SLC19A1: variants seen among roughly 807,000 people sequenced by gnomAD.
SLC19A1 encodes the protein solute carrier family 19 member 1, also known as reduced folate transporter.
Under a neutral mutation model 35.3 loss-of-function variants are expected in SLC19A1, and 37 were observed. The observed-to-expected ratio is 1.05, with a 90% CI of 0.81 to 1.38. The LOEUF (loss-of-function observed/expected upper bound fraction) is 1.38, where lower values mean the gene tolerates loss of function less well. SLC19A1 is among the 40% of genes most tolerant of loss of function. The pLI is 0.00. For missense variants in SLC19A1, 831 were observed against 826.9 expected, an observed-to-expected ratio of 1.00 and a Z score of -0.06; for synonymous variants, 460 against 398.5, an observed-to-expected ratio of 1.15 and a Z score of -1.84.
intron 3 of SLC19A1, chr21:45,503,828 G>T: frequency 7.1e-6 from 3 of 425,240 alleles, no homozygotes; most frequent in Non-Finnish European, 1.3e-5. Context: ...AAATAAAAAG[G>T]CACCATTAAC....
chr21:45,511,812 C>T (rs769482058), downstream of SLC19A1, among the ~76,000 whole-genome samples: 4 of 152,162 alleles, frequency 2.6e-5, no homozygotes, highest in Non-Finnish European at 4.4e-5. Flanking sequence ...GTGCTGTGGG[C>T]AGGGCTGGGC....
upstream of SLC19A1, among the ~76,000 whole-genome samples, chr21:45,545,480 G>A (rs760742961): frequency 6.6e-6 from 1 of 151,762 alleles, no homozygotes; most frequent in Non-Finnish European, 1.5e-5. Context: ...AGCAGATGCT[G>A]GCACCATGCT....
At chr21:45,511,274 A>G (rs2037592977), downstream of SLC19A1, 2 of 1,081,632 alleles carry the variant, frequency 1.8e-6, no homozygotes, top group Non-Finnish European at 2.8e-6. Flanking sequence ...CCAGCCAGGG[A>G]AGGCGGGCGG....
chr21:45,508,180 T>G (rs1030566373), downstream of SLC19A1, among the ~76,000 whole-genome samples: 5 of 135,428 alleles, frequency 3.7e-5, no homozygotes, highest in Non-Finnish European at 7.8e-5. Flanking sequence ...GCTGGGGAGA[T>G]GGATGGATGG....
chr21:45,557,400 G>T (rs777100601), intron 1 of SLC19A1, among the ~76,000 whole-genome samples: 21 of 152,180 alleles, frequency 1.4e-4, no homozygotes, highest in Non-Finnish European at 1.9e-4. Context: ...CCAGGTGCTG[G>T]CCTGTGCCTT....
At chr21:45,509,995 G>GGTGCGCCCGGGGCC, downstream of SLC19A1, 1 of 1,498,212 alleles carries the variant, frequency 6.7e-7, no homozygotes, top group Non-Finnish European at 9.0e-7. Context: ...GGGCCGGGGT[G>GGTGCGCCCGGGGCC]GTGCGCCCGG....
At chr21:45,541,697 G>T (rs946185383) in intron 1 of SLC19A1, 3 of 152,326 alleles carry the variant, frequency 2.0e-5, no homozygotes, top group African/African-American at 7.2e-5. Context: ...CCAAGGGGAA[G>T]TTGCACCTAC....
intron 1 of SLC19A1, among the ~76,000 whole-genome samples, chr21:45,558,065 AT>A: frequency 6.6e-6 from 1 of 152,322 alleles, no homozygotes; most frequent in Non-Finnish European, 1.5e-5. Flanking sequence ...GTGGCTCCAT[AT>A]TCAGACAGCG....
At chr21:45,509,456 G>A (rs774779029), downstream of SLC19A1, 65 of 1,533,874 alleles carry the variant, frequency 4.2e-5, no homozygotes, top group East Asian at 1.2e-4. Context: ...CGGCCCTGGC[G>A]GGCAGATGAC....
intron 2 of SLC19A1, among the ~76,000 whole-genome samples, chr21:45,537,270 G>A (rs547319362): frequency 6.6e-6 from 1 of 152,262 alleles, no homozygotes; most frequent in South Asian, 2.1e-4. Flanking sequence ...GGTGCCCGCT[G>A]CTGGGAGTGT....
At chr21:45,548,683 G>A (rs2078436695), upstream of SLC19A1, among the ~76,000 whole-genome samples, 1 of 152,150 alleles carries the variant, frequency 6.6e-6, no homozygotes, top group Non-Finnish European at 1.5e-5. Context: ...GGTGGAGGTT[G>A]CAATGAGCCG....
intron 1 of SLC19A1, among the ~76,000 whole-genome samples, chr21:45,539,372 G>C (rs1172276168): frequency 6.6e-6 from 1 of 152,210 alleles, no homozygotes; most frequent in Admixed American, 6.5e-5. Context: ...GGGCGGGGTC[G>C]CCGTCCCATC....
At chr21:45,560,334 C>A (rs1285587274) in intron 1 of SLC19A1, among the ~76,000 whole-genome samples, 1 of 152,238 alleles carries the variant, frequency 6.6e-6, no homozygotes, top group East Asian at 1.9e-4. Context: ...TCAGGCAAAG[C>A]GCACTGGGTG....
intron 1 of SLC19A1, among the ~76,000 whole-genome samples, chr21:45,541,557 G>C (rs1041986377): frequency 6.6e-6 from 1 of 152,224 alleles, no homozygotes. Context: ...CGATGGACAG[G>C]ACCCTAGGGG....
chr21:45,553,456 T>G (rs1158052867), intron 1 of SLC19A1, among the ~76,000 whole-genome samples: 1 of 151,914 alleles, frequency 6.6e-6, no homozygotes, highest in Non-Finnish European at 1.5e-5. Flanking sequence ...TTTGTATTTT[T>G]TTTGTGGTAA....
At chr21:45,561,517 T>A (rs1399712234) in intron 1 of SLC19A1, among the ~76,000 whole-genome samples, 1 of 152,052 alleles carries the variant, frequency 6.6e-6, no homozygotes, top group Non-Finnish European at 1.5e-5. Flanking sequence ...TCCCAGCACA[T>A]TGGGAGGCTG....
chr21:45,527,025 C>T (rs1006103757), intron 4 of SLC19A1, among the ~76,000 whole-genome samples: 1 of 152,276 alleles, frequency 6.6e-6, no homozygotes, highest in Non-Finnish European at 1.5e-5. Context: ...ATCAAGAGAA[C>T]CTCTGGGCAC....
downstream of SLC19A1, chr21:45,511,323 C>CAAATCTTATACA (rs1214900549): frequency 9.7e-6 from 7 of 719,990 alleles, no homozygotes; most frequent in Non-Finnish European, 1.8e-5. Flanking sequence ...AGTTTTTGGA[C>CAAATCTTATACA]AAATCTTATA....
Position 45,537,759 on chromosome 21 carries a change from G to A in SLC19A1, c.189+12C>T. On this transcript the variant is annotated intron_variant, in intron 2 of 5. Coordinates refer to ENST00000311124, the MANE Select transcript of SLC19A1 (RefSeq NM_194255.4). ...CCACAGGCGGCCGCCCGGCACCCCGGCACCCACATGCCTGCTCCCGCGTGA... is the reference window on the plus strand; with the variant it reads ...CCACAGGCGGCCGCCCGGCACCCCGACACCCACATGCCTGCTCCCGCGTGA... 4 of 735,404 alleles carry A rather than the reference G, an allele frequency of 5.4e-6. No homozygotes were observed. The highest frequency in any genetic ancestry group is 6.9e-6 in the Non-Finnish European group (4 of 577,508). 45.6% of individuals were successfully genotyped at this position (735,404 alleles called of 1,614,324 possible).
Sources: allele counts gnomAD v4.1 joint callset (sites outside exome capture counted in the v4.1 genomes callset), GRCh38; gene constraint gnomAD v4.1.1; transcripts MANE v1.5; gene names NCBI Gene and HGNC (gene_info 2026-07-23, HGNC 2026-07-21).